Variants in DOCK9 observed in about 807,000 individuals in gnomAD.
DOCK9 encodes the protein dedicator of cytokinesis 9, also known as dedicator of cytokinesis protein 9.
Under a neutral mutation model 263.3 loss-of-function variants are expected in DOCK9, and 89 were observed. That is an observed-to-expected ratio of 0.34 (90% CI 0.28 to 0.40). The LOEUF (loss-of-function observed/expected upper bound fraction) is 0.40. DOCK9 is among the 10% of genes least tolerant of loss of function. DOCK9 has a pLI of 1.00. For missense variants in DOCK9, 2,140 were observed against 2,603.4 expected (o/e 0.82, Z 3.87); for synonymous variants, 976 against 973.1 (o/e 1.00, Z -0.06).
At chr13:98,883,233 G>T in intron 22 of DOCK9, 102 bp from the exon 23 acceptor site, 1 of 940,132 alleles carries the variant, frequency 1.1e-6, no homozygotes, top group Non-Finnish European at 1.6e-6. Context: ...GCTGTATGTT[G>T]TTGTTGTTGT....
chr13:98,972,881 A>G lies in DOCK9; in HGVS notation c.126+4903T>C, dbSNP rs188814499. On this transcript the variant is annotated intron_variant, in intron 1 of 52. Coordinates refer to ENST00000682017, the MANE Select transcript of DOCK9 (RefSeq NM_001366683.2). The stretch of plus-strand genomic sequence containing the variant: ...CATGCCTTGCTGCCTGGGGAGAGGG[A>G]GGGTTTTGATCTTATTTGCCTCAAT... Among the ~76,000 whole-genome samples the G allele has an allele frequency of 9.2e-5, 14 of 152,232 alleles. No individual in the cohort carries two copies. In the East Asian group the frequency reaches 2.7e-3, roughly 29 times the overall value.
intron 45 of DOCK9, among the ~76,000 whole-genome samples, chr13:98,811,647 T>A (rs1478740551): frequency 6.6e-6 from 1 of 152,178 alleles, no homozygotes; most frequent in Non-Finnish European, 1.5e-5. Flanking sequence ...CCTGCCCTCA[T>A]GTGATTAGCC....
chr13:98,911,083 C>T (rs147405158), intron 9 of DOCK9, among the ~76,000 whole-genome samples: 123 of 152,302 alleles, frequency 8.1e-4, no homozygotes, highest in African/African-American at 2.8e-3. Flanking sequence ...GGGCTGCTCA[C>T]ACTGACACCA....
At chr13:99,064,101 C>G (rs1203890718) in intron 1 of DOCK9, among the ~76,000 whole-genome samples, 1 of 152,212 alleles carries the variant, frequency 6.6e-6, no homozygotes, top group Non-Finnish European at 1.5e-5. Context: ...CTAGCTTTCT[C>G]CTGACCCTCA....
chr13:99,040,812 G>C (rs186901727), intron 1 of DOCK9, among the ~76,000 whole-genome samples: 77 of 152,286 alleles, frequency 5.1e-4, no homozygotes, highest in African/African-American at 1.8e-3. Flanking sequence ...CTCCATCCAG[G>C]ACCCCCCAAA....
intron 27 of DOCK9, among the ~76,000 whole-genome samples, chr13:98,875,959 T>C (rs1394477913): frequency 6.6e-6 from 1 of 152,208 alleles, no homozygotes; most frequent in Non-Finnish European, 1.5e-5. Context: ...GCACTGGAAG[T>C]AAGCATAACG....
At chr13:99,079,866 C>A (rs1596058969) in intron 1 of DOCK9, among the ~76,000 whole-genome samples, 1 of 152,072 alleles carries the variant, frequency 6.6e-6, no homozygotes, top group Admixed American at 6.5e-5. Flanking sequence ...ATGGTGAAAC[C>A]CCGTCTCTAC....
chr13:99,053,104 A>C (rs2040775565), intron 1 of DOCK9, among the ~76,000 whole-genome samples: 2 of 152,152 alleles, frequency 1.3e-5, no homozygotes, highest in Admixed American at 1.3e-4. Flanking sequence ...AACACACCTG[A>C]AAATAAAATA....
chr13:98,928,001 A>C (rs2053288640), intron 3 of DOCK9, among the ~76,000 whole-genome samples: 1 of 89,752 alleles, frequency 1.1e-5, no homozygotes, highest in Non-Finnish European at 2.3e-5. Context: ...GGAATCGCAC[A>C]TACAAAAAAA....
chr13:98,800,066 C>G (rs1486263866), intron 50 of DOCK9, among the ~76,000 whole-genome samples: 1 of 152,156 alleles, frequency 6.6e-6, no homozygotes, highest in Non-Finnish European at 1.5e-5. Flanking sequence ...TGAGATCTGG[C>G]TCTTGTCCCC....
At chr13:99,026,076 C>CAAA (rs1219581602) in intron 1 of DOCK9, among the ~76,000 whole-genome samples, 11 of 27,120 alleles carry the variant, frequency 4.1e-4, no homozygotes, top group East Asian at 1.2e-3. Flanking sequence ...GACTCCGTCT[C>CAAA]AAAAAAAAAA....
At chr13:98,850,769 G>A (rs1047895933) in intron 35 of DOCK9, among the ~76,000 whole-genome samples, 6 of 152,200 alleles carry the variant, frequency 3.9e-5, no homozygotes, top group Non-Finnish European at 7.3e-5. Flanking sequence ...GTTCTCTGAA[G>A]CGAAACAGCT....
intron 2 of DOCK9, among the ~76,000 whole-genome samples, chr13:98,935,126 C>T (rs1344094462): frequency 6.6e-6 from 1 of 152,038 alleles, no homozygotes; most frequent in Non-Finnish European, 1.5e-5. Flanking sequence ...AAAAGGTACA[C>T]TGAGGGAAAG....
chr13:99,012,199 A>AT, intron 1 of DOCK9, among the ~76,000 whole-genome samples: 1 of 152,300 alleles, frequency 6.6e-6, no homozygotes, highest in East Asian at 1.9e-4. Context: ...TAACATCCTT[A>AT]TAGTAGATTC....
intron 1 of DOCK9, among the ~76,000 whole-genome samples, chr13:99,016,213 C>CA (rs1426050620): frequency 6.6e-6 from 1 of 152,024 alleles, no homozygotes; most frequent in Non-Finnish European, 1.5e-5. Context: ...AAAAAAAGTC[C>CA]AAAAAACGAG....
chr13:99,021,369 G>A (rs1886073060), intron 1 of DOCK9, among the ~76,000 whole-genome samples: 2 of 152,214 alleles, frequency 1.3e-5, no homozygotes, highest in South Asian at 4.1e-4. Flanking sequence ...GCCAGGCGTG[G>A]TGGCTCATGC....
chr13:99,010,415 T>C (rs1011579772), intron 1 of DOCK9, among the ~76,000 whole-genome samples: 1 of 152,222 alleles, frequency 6.6e-6, no homozygotes. Flanking sequence ...CTTCTGAACC[T>C]CCACTGGAGA....
chr13:98,877,922 C>T (rs993428808), intron 27 of DOCK9, among the ~76,000 whole-genome samples: 1 of 152,136 alleles, frequency 6.6e-6, no homozygotes, highest in African/African-American at 2.4e-5. Flanking sequence ...AATAAAAAAT[C>T]CACTGGCGCC....
chr13:98,925,883 T>C lies in DOCK9; in HGVS notation c.370A>G (p.Asn124Asp), dbSNP rs1358445923. The C allele has an allele frequency of 3.8e-6, 6 of 1,587,608 alleles. No individual in the cohort carries two copies. The highest frequency in any genetic ancestry group is 3.5e-5 in the South Asian group (3 of 86,872). ...CCTGAGTAATCTTCATATTTATAGT[T>C]CACAAGATGCCAGTCAGAGTTATAG... ...KTYNSDWHLV[N>D]YKYEDYSGEF... Residue 124 changes from asparagine (N) to aspartate (D), a missense_variant, in exon 4 of 53, where the codon AAC becomes GAC. Physicochemically the swap from Asn to Asp is conservative, Grantham distance 23 (BLOSUM62 1). Around this residue, in one of 2 missense-constraint regions of DOCK9, gnomAD observed 1,521 missense variants for 1,741.7 expected, o/e 0.87. Transcript: ENST00000682017.
Sources: allele counts gnomAD v4.1 joint callset (sites outside exome capture counted in the v4.1 genomes callset), GRCh38; gene constraint gnomAD v4.1.1; regional missense constraint gnomAD v4.1.1; transcripts MANE v1.5; gene names NCBI Gene and HGNC (gene_info 2026-07-23, HGNC 2026-07-21).